TMEM217B: variants seen among roughly 807,000 people sequenced by gnomAD.
TMEM217B encodes putative transmembrane protein 217B.
the TMEM217B span, among the ~76,000 whole-genome samples, chr6:37,251,637 A>G: frequency 6.6e-6 from 1 of 152,252 alleles, no homozygotes; most frequent in African/African-American, 2.4e-5. Flanking sequence ...ATACACACAT[A>G]TGTAATAAAA....
chr6:37,218,147 T>G, the TMEM217B span: 3 of 1,130,678 alleles, frequency 2.7e-6, no homozygotes, highest in Non-Finnish European at 2.2e-6. Context: ...TGATTGCTTA[T>G]AGTGGTGGAT....
At chr6:37,226,185 T>TACC in the TMEM217B span, among the ~76,000 whole-genome samples, 4 of 152,238 alleles carry the variant, frequency 2.6e-5, no homozygotes, top group South Asian at 6.2e-4. Context: ...TATGCTTATT[T>TACC]ACCATCTCCT....
the TMEM217B span, chr6:37,218,457 G>A: frequency 1.9e-6 from 3 of 1,612,480 alleles, no homozygotes; most frequent in Non-Finnish European, 2.5e-6. Context: ...GATTCCAGGT[G>A]TGAGCCACTG....
chr6:37,212,760 G>C, the TMEM217B span: 1 of 693,778 alleles, frequency 1.4e-6, no homozygotes, highest in Non-Finnish European at 2.6e-6. Flanking sequence ...GGAAGCAGCC[G>C]ATGATGATGG....
At chr6:37,218,036 T>G in the TMEM217B span, 1 of 997,646 alleles carries the variant, frequency 1.0e-6, no homozygotes. Context: ...GTAGGGTCTC[T>G]ACTTGCAGAA....
At chr6:37,243,500 TAAAG>T in the TMEM217B span, among the ~76,000 whole-genome samples, 1 of 152,182 alleles carries the variant, frequency 6.6e-6, no homozygotes, top group Admixed American at 6.5e-5. Context: ...GACACTGCAG[TAAAG>T]AAAGAGTTTA....
At chr6:37,219,118 C>T in the TMEM217B span, 6 of 1,279,416 alleles carry the variant, frequency 4.7e-6, no homozygotes, top group African/African-American at 3.0e-5. Flanking sequence ...TGCCTCCTTC[C>T]CCAAATCTAC....
the TMEM217B span, among the ~76,000 whole-genome samples, chr6:37,227,777 T>C: frequency 6.6e-6 from 1 of 151,754 alleles, no homozygotes; most frequent in Admixed American, 6.6e-5. Context: ...ATTATCTTTA[T>C]CATTATTACA....
the TMEM217B span, among the ~76,000 whole-genome samples, chr6:37,244,936 G>A: frequency 6.6e-6 from 1 of 152,190 alleles, no homozygotes; most frequent in South Asian, 2.1e-4. Flanking sequence ...GGATAACTTA[G>A]GGAGACTTGG....
At chr6:37,234,603 G>C in the TMEM217B span, among the ~76,000 whole-genome samples, 2 of 152,172 alleles carry the variant, frequency 1.3e-5, no homozygotes, top group African/African-American at 4.8e-5. Flanking sequence ...AGATGTGGTG[G>C]CTTGTGTTTG....
At chr6:37,242,317 C>T in the TMEM217B span, among the ~76,000 whole-genome samples, 1 of 152,166 alleles carries the variant, frequency 6.6e-6, no homozygotes, top group Non-Finnish European at 1.5e-5. Context: ...CCTCTCTATT[C>T]CCCCCAAGGG....
chr6:37,225,000 C>T, the TMEM217B span, among the ~76,000 whole-genome samples: 1 of 150,606 alleles, frequency 6.6e-6, no homozygotes, highest in African/African-American at 2.4e-5. Flanking sequence ...CCAACATGGC[C>T]CATCTCTATA....
chr6:37,253,658 C>T, the TMEM217B span, among the ~76,000 whole-genome samples: 1 of 152,126 alleles, frequency 6.6e-6, no homozygotes, highest in Non-Finnish European at 1.5e-5. Context: ...TTAACCCTTC[C>T]CCTCATCACA....
chr6:37,214,970 G>A, the TMEM217B span, among the ~76,000 whole-genome samples: 2 of 152,162 alleles, frequency 1.3e-5, no homozygotes, highest in African/African-American at 4.8e-5. Context: ...CACCTGAATT[G>A]TCTAAAAATA....
At chr6:37,249,364 C>T in the TMEM217B span, among the ~76,000 whole-genome samples, 4 of 152,088 alleles carry the variant, frequency 2.6e-5, no homozygotes, top group South Asian at 2.1e-4. Flanking sequence ...CTGTTGCCTA[C>T]GTTGGAGTGC....
the TMEM217B span, chr6:37,218,148 A>G: frequency 3.5e-6 from 4 of 1,128,838 alleles, no homozygotes; most frequent in South Asian, 1.2e-4. Flanking sequence ...GATTGCTTAT[A>G]GTGGTGGATA....
chr6:37,232,177 C>T, the TMEM217B span, among the ~76,000 whole-genome samples: 110 of 152,134 alleles, frequency 7.2e-4, no homozygotes, highest in Middle Eastern at 0.01. Flanking sequence ...TACAAAAGGA[C>T]GCTTCGTTCC....
At chr6:37,215,685 G>A in the TMEM217B span, among the ~76,000 whole-genome samples, 1 of 151,864 alleles carries the variant, frequency 6.6e-6, no homozygotes, top group South Asian at 2.1e-4. Context: ...ATGTAACAGT[G>A]AGAGAGATGA....
At chr6:37,256,191 T>C in the TMEM217B span, among the ~76,000 whole-genome samples, 19 of 152,152 alleles carry the variant, frequency 1.2e-4, no homozygotes, top group African/African-American at 4.3e-4. Flanking sequence ...GCAGCTCACA[T>C]AGGGAAAGAC....
Sources: gnomAD v4.1 joint callset for allele counts (sites outside exome capture counted in the v4.1 genomes callset) on GRCh38, gnomAD v4.1.1 for gene constraint, MANE v1.5 for transcripts, NCBI Gene and HGNC (gene_info 2026-07-23, HGNC 2026-07-21) for gene names.